Variants in PKIB observed in about 807,000 individuals in gnomAD.
PKIB encodes PKI-beta.
PKIB carries 2 observed loss-of-function variants against 4.5 expected under a neutral mutation model. That is an observed-to-expected ratio of 0.44 (90% CI 0.18 to 1.39). The LOEUF (loss-of-function observed/expected upper bound fraction) is 1.39, where lower values mean the gene tolerates loss of function less well. PKIB is among the 40% of genes most tolerant of loss of function. The pLI, the probability that PKIB is intolerant of heterozygous loss-of-function variation, is 0.27. For missense variants in PKIB, 94 were observed against 92.6 expected (o/e 1.02, Z -0.06); for synonymous variants, 38 against 36.0 (o/e 1.06, Z -0.20).
At chr6:122,710,370 G>T (rs1391301400) in intron 3 of PKIB, among the ~76,000 whole-genome samples, 1 of 152,038 alleles carries the variant, frequency 6.6e-6, no homozygotes, top group African/African-American at 2.4e-5. Context: ...CAGACCACAA[G>T]AACTTCAAAA....
At chr6:122,542,897 C>G (rs1434117038) in intron 2 of PKIB, among the ~76,000 whole-genome samples, 2 of 152,112 alleles carry the variant, frequency 1.3e-5, no homozygotes, top group East Asian at 1.9e-4. Flanking sequence ...CTTTGTTTAC[C>G]TAATCAAGCC....
chr6:122,544,649 G>T (rs1208454773), intron 2 of PKIB, among the ~76,000 whole-genome samples: 1 of 151,930 alleles, frequency 6.6e-6, no homozygotes, highest in Non-Finnish European at 1.5e-5. Flanking sequence ...TATCTGAATG[G>T]ACTACCAGCT....
At position 122,476,317 on chromosome 6, in the gene PKIB, A is replaced by G. The variant is rs552402300; in HGVS notation, c.-336-1534A>G. On this transcript the variant is annotated intron_variant, in intron 1 of 6. Coordinates refer to the PKIB transcript ENST00000392491. ...GGATAAGCCAAAAATAGATTAGGAC[A>G]CAGTAACCCATAGGGGTCAGTATAA... 1.6e-4 allele frequency among the ~76,000 whole-genome samples: 25 copies of G among 152,324 alleles called. No homozygotes were observed. The South Asian group carries it at 4.8e-3, about 29-fold the overall frequency.
At chr6:122,719,339 A>G (rs1779627096) in intron 4 of PKIB, among the ~76,000 whole-genome samples, 1 of 152,202 alleles carries the variant, frequency 6.6e-6, no homozygotes, top group Non-Finnish European at 1.5e-5. Flanking sequence ...TCTTCATATC[A>G]TTTTGAAATA....
At chr6:122,489,553 A>G (rs1026023461) in intron 2 of PKIB, among the ~76,000 whole-genome samples, 4 of 152,236 alleles carry the variant, frequency 2.6e-5, no homozygotes, top group African/African-American at 9.6e-5. Context: ...ACAGTAATTT[A>G]AAAATGGATT....
chr6:122,519,311 A>G (rs1776863531), intron 2 of PKIB, among the ~76,000 whole-genome samples: 1 of 152,278 alleles, frequency 6.6e-6, no homozygotes, highest in South Asian at 2.1e-4. Flanking sequence ...TAGTTGCAGG[A>G]AAACAAGCTC....
chr6:122,669,508 T>G (rs1777366578), intron 2 of PKIB, among the ~76,000 whole-genome samples: 1 of 152,188 alleles, frequency 6.6e-6, no homozygotes, highest in Admixed American at 6.5e-5. Context: ...TCTTCTGCCT[T>G]TTGTGAGAAT....
At chr6:122,603,569 C>T (rs1402740770) in intron 3 of PKIB, among the ~76,000 whole-genome samples, 1 of 152,160 alleles carries the variant, frequency 6.6e-6, no homozygotes, top group Non-Finnish European at 1.5e-5. Context: ...ACCTCCACCT[C>T]CTGAGTTCAA....
At chr6:122,585,607 TCTAAAG>T (rs1773827024) in intron 2 of PKIB, 2 of 152,122 alleles carry the variant, frequency 1.3e-5, no homozygotes, top group African/African-American at 2.4e-5. Flanking sequence ...AATTCAACAG[TCTAAAG>T]CTAAAGAAAC....
chr6:122,547,094 C>T (rs1037038289), intron 2 of PKIB, among the ~76,000 whole-genome samples: 6 of 151,968 alleles, frequency 3.9e-5, no homozygotes, highest in Non-Finnish European at 7.4e-5. Flanking sequence ...ATTTTATTTA[C>T]CATTTATATT....
At chr6:122,601,149 C>T (rs930771981) in intron 3 of PKIB, among the ~76,000 whole-genome samples, 1 of 150,822 alleles carries the variant, frequency 6.6e-6, no homozygotes, top group Non-Finnish European at 1.5e-5. Flanking sequence ...AAATAATGAA[C>T]AGGACATTAA....
At chr6:122,500,132 C>CT (rs1364169273) in intron 2 of PKIB, among the ~76,000 whole-genome samples, 3 of 152,120 alleles carry the variant, frequency 2.0e-5, no homozygotes, top group African/African-American at 7.2e-5. Flanking sequence ...CCAGAGAAAT[C>CT]TATGGATTCA....
At chr6:122,640,443 T>G (rs1776079180) in intron 2 of PKIB, among the ~76,000 whole-genome samples, 1 of 152,216 alleles carries the variant, frequency 6.6e-6, no homozygotes, top group African/African-American at 2.4e-5. Flanking sequence ...ATTTCTACTT[T>G]GTAGTATTCT....
At chr6:122,696,698 G>C (rs772738161) in intron 3 of PKIB, among the ~76,000 whole-genome samples, 1 of 152,304 alleles carries the variant, frequency 6.6e-6, no homozygotes, top group South Asian at 2.1e-4. Context: ...AAAGTCCAGA[G>C]ATGTAACAAA....
chr6:122,477,908 C>T (rs1344063854), exon 2 of PKIB: 2 of 152,186 alleles, frequency 1.3e-5, no homozygotes, highest in Non-Finnish European at 2.9e-5. Flanking sequence ...AAAGTATGGA[C>T]ACCCCTTCAG....
chr6:122,473,424 G>T (rs1231980419), intron 1 of PKIB, among the ~76,000 whole-genome samples: 1 of 152,102 alleles, frequency 6.6e-6, no homozygotes, highest in Non-Finnish European at 1.5e-5. Context: ...TTTTTCACCT[G>T]AGATATTCAG....
chr6:122,592,370 T>A (rs1415001985), intron 3 of PKIB, among the ~76,000 whole-genome samples: 3 of 152,200 alleles, frequency 2.0e-5, no homozygotes, highest in Non-Finnish European at 4.4e-5. Context: ...GTATGCAACC[T>A]TTCCATCAGA....
At chr6:122,687,871 T>C (rs1292651572) in intron 3 of PKIB, among the ~76,000 whole-genome samples, 1 of 152,168 alleles carries the variant, frequency 6.6e-6, no homozygotes, top group East Asian at 1.9e-4. Context: ...TAGATTTTTC[T>C]AAATATAAGA....
chr6:122,612,302 C>A (rs1050797354), intron 1 of PKIB, among the ~76,000 whole-genome samples: 7 of 151,964 alleles, frequency 4.6e-5, no homozygotes, highest in Admixed American at 1.3e-4. Flanking sequence ...AATTATATTT[C>A]AGTGAGTTTT....
Sources: allele counts gnomAD v4.1 joint callset (sites outside exome capture counted in the v4.1 genomes callset), GRCh38; gene constraint gnomAD v4.1.1; transcripts MANE v1.5; gene names NCBI Gene and HGNC (gene_info 2026-07-23, HGNC 2026-07-21).